The following LUZP2 variants were observed in gnomAD, a reference collection of about 807,000 sequenced individuals.
LUZP2 encodes leucine zipper protein 2.
Under a neutral mutation model 51.6 loss-of-function variants are expected in LUZP2, and 52 were observed. That is an observed-to-expected ratio of 1.01 (90% CI 0.81 to 1.27). The LOEUF is 1.27. Ranked by LOEUF, LUZP2 falls within the 50% of genes most tolerant of loss-of-function variation. The pLI is 0.00. For missense variants in LUZP2, 436 were observed against 395.4 expected, an observed-to-expected ratio of 1.10 and a Z score of -0.87; for synonymous variants, 154 against 137.3, an observed-to-expected ratio of 1.12 and a Z score of -0.85.
chr11:24,572,597 A>G (rs1453527269), intron 1 of LUZP2, among the ~76,000 whole-genome samples: 1 of 152,044 alleles, frequency 6.6e-6, no homozygotes, highest in African/African-American at 2.4e-5. Context: ...CATATGTAAA[A>G]CTACTCTGTG....
chr11:24,939,957 C>CAGTG (rs1416029395), intron 7 of LUZP2, among the ~76,000 whole-genome samples: 1 of 152,064 alleles, frequency 6.6e-6, no homozygotes, highest in African/African-American at 2.4e-5. Flanking sequence ...GAGGGCTGGC[C>CAGTG]AGTGACAACT....
chr11:24,769,105 G>A (rs1274242462), intron 5 of LUZP2, among the ~76,000 whole-genome samples: 2 of 152,260 alleles, frequency 1.3e-5, no homozygotes, highest in Non-Finnish European at 2.9e-5. Flanking sequence ...GAACCTAGAG[G>A]ACATTGTGTT....
At chr11:24,603,989 A>C (rs1853829402) in intron 1 of LUZP2, among the ~76,000 whole-genome samples, 1 of 151,808 alleles carries the variant, frequency 6.6e-6, no homozygotes, top group African/African-American at 2.4e-5. Flanking sequence ...AAAAGATATT[A>C]TCTACAGCAC....
chr11:24,733,810 T>C (rs1284685285), intron 3 of LUZP2, among the ~76,000 whole-genome samples: 1 of 151,726 alleles, frequency 6.6e-6, no homozygotes, highest in Non-Finnish European at 1.5e-5. Context: ...TTTATTTTTA[T>C]AGAGTATCTC....
chr11:24,569,641 A>G (rs1301139454), intron 1 of LUZP2, among the ~76,000 whole-genome samples: 1 of 152,042 alleles, frequency 6.6e-6, no homozygotes, highest in African/African-American at 2.4e-5. Context: ...GTTGTTTGTA[A>G]TGCTGATCAT....
intron 4 of LUZP2, among the ~76,000 whole-genome samples, chr11:24,759,216 T>C (rs1295343442): frequency 6.6e-6 from 1 of 152,156 alleles, no homozygotes; most frequent in Non-Finnish European, 1.5e-5. Flanking sequence ...ATAATTAGTC[T>C]AAAGCAAGAG....
intron 5 of LUZP2, among the ~76,000 whole-genome samples, chr11:24,764,025 T>C (rs1860087027): frequency 6.6e-6 from 1 of 152,172 alleles, no homozygotes; most frequent in African/African-American, 2.4e-5. Context: ...ATCAGAATAC[T>C]GGGTATAATG....
At chr11:24,617,343 C>G (rs987067536) in intron 1 of LUZP2, among the ~76,000 whole-genome samples, 1 of 151,954 alleles carries the variant, frequency 6.6e-6, no homozygotes, top group African/African-American at 2.4e-5. Flanking sequence ...TTGTGGCTAC[C>G]TCCTCTCTTT....
At chr11:24,556,376 C>T (rs564639343) in intron 1 of LUZP2, among the ~76,000 whole-genome samples, 1 of 150,982 alleles carries the variant, frequency 6.6e-6, no homozygotes, top group Admixed American at 6.6e-5. Flanking sequence ...AATAGTTTCC[C>T]TCAAAGATCT....
chr11:24,860,350 A>C (rs1851703089), intron 5 of LUZP2, among the ~76,000 whole-genome samples: 1 of 152,166 alleles, frequency 6.6e-6, no homozygotes, highest in East Asian at 1.9e-4. Flanking sequence ...AAACCAGCAG[A>C]CTTAGCCTAT....
At chr11:24,793,557 T>G (rs369178782) in intron 5 of LUZP2, among the ~76,000 whole-genome samples, 1 of 152,242 alleles carries the variant, frequency 6.6e-6, no homozygotes, top group South Asian at 2.1e-4. Context: ...CCTGACAAAA[T>G]TAAACTGCTG....
At chr11:25,070,045 A>C (rs1284954011) in intron 10 of LUZP2, among the ~76,000 whole-genome samples, 1 of 151,902 alleles carries the variant, frequency 6.6e-6, no homozygotes, top group African/African-American at 2.4e-5. Flanking sequence ...CAAACATCCA[A>C]ATGGGAGTCT....
intron 5 of LUZP2, among the ~76,000 whole-genome samples, chr11:24,770,063 G>A (rs1373586876): frequency 1.3e-5 from 2 of 152,034 alleles, no homozygotes. Flanking sequence ...CAAAGTGCTG[G>A]GATTACAGGC....
At chr11:24,917,092 G>A (rs1565102554) in intron 7 of LUZP2, among the ~76,000 whole-genome samples, 1 of 152,194 alleles carries the variant, frequency 6.6e-6, no homozygotes, top group Non-Finnish European at 1.5e-5. Flanking sequence ...CAGTGATGAT[G>A]AGCATTTTTT....
intron 5 of LUZP2, chr11:24,892,395 C>A (rs1170527676): frequency 1.0e-6 from 1 of 984,138 alleles, no homozygotes; most frequent in Admixed American, 6.2e-5. Flanking sequence ...TCAATTATAC[C>A]CAGTGATGTC....
At chr11:24,756,293 C>G (rs754574490) in intron 4 of LUZP2, among the ~76,000 whole-genome samples, 1 of 152,214 alleles carries the variant, frequency 6.6e-6, no homozygotes, top group African/African-American at 2.4e-5. Context: ...AACCACCTTA[C>G]ACACATGTTC....
chr11:24,923,632 G>C (rs544556684), intron 7 of LUZP2, among the ~76,000 whole-genome samples: 1 of 152,202 alleles, frequency 6.6e-6, no homozygotes, highest in African/African-American at 2.4e-5. Context: ...GGGAGGCAGA[G>C]GTTGCAGTGA....
At chr11:24,976,488 TCTTTTC>T in intron 7 of LUZP2, 97 bp from the exon 8 acceptor site, 1 of 624,034 alleles carries the variant, frequency 1.6e-6, no homozygotes. Flanking sequence ...TTTTTTTTTT[TCTTTTC>T]TCTCTTTTTA....
At chr11:24,796,521 G>GTGTA (rs1201918386) in intron 5 of LUZP2, among the ~76,000 whole-genome samples, 6 of 149,146 alleles carry the variant, frequency 4.0e-5, no homozygotes, top group Non-Finnish European at 5.9e-5. Context: ...GTGTGTGTGT[G>GTGTA]TGTGTGTGTG....
Sources: allele counts gnomAD v4.1 joint callset (sites outside exome capture counted in the v4.1 genomes callset), GRCh38; gene constraint gnomAD v4.1.1; transcripts MANE v1.5; gene names NCBI Gene and HGNC (gene_info 2026-07-23, HGNC 2026-07-21).